Variants in SV2C observed in about 807,000 individuals in gnomAD.
SV2C encodes the protein solute carrier family 22 member B3.
Under a neutral mutation model 79.7 loss-of-function variants are expected in SV2C, and 49 were observed. That is an observed-to-expected ratio of 0.61 (90% CI 0.49 to 0.78). The LOEUF (loss-of-function observed/expected upper bound fraction) is 0.78, where lower values mean the gene tolerates loss of function less well. Ranked by LOEUF, SV2C falls within the 30% of genes least tolerant of loss-of-function variation. The probability of loss-of-function intolerance (pLI) is 0.00; values close to 1 mark genes in which losing one functional copy is unlikely to be tolerated. For missense variants in SV2C, 833 were observed against 912.9 expected (o/e 0.91, Z 1.13); for synonymous variants, 334 against 333.2 (o/e 1.00, Z -0.03).
At chr5:76,112,312 A>G (rs1441801472) in intron 1 of SV2C, among the ~76,000 whole-genome samples, 1 of 152,216 alleles carries the variant, frequency 6.6e-6, no homozygotes, top group Non-Finnish European at 1.5e-5. Flanking sequence ...TAGAGGTGAC[A>G]TTTGAAAGAA....
intron 12 of SV2C, among the ~76,000 whole-genome samples, chr5:76,309,488 C>T (rs897197441): frequency 1.3e-5 from 2 of 150,746 alleles, no homozygotes; most frequent in South Asian, 2.1e-4. Flanking sequence ...TAGTCCCAGC[C>T]ACTCGGGAGG....
At chr5:76,030,289 T>TTTA in the SV2C span, among the ~76,000 whole-genome samples, 18 of 117,910 alleles carry the variant, frequency 1.5e-4, no homozygotes, top group African/African-American at 5.4e-4. Context: ...TTTTTTTTTT[T>TTTA]TTTATTTATT....
At chr5:76,300,577 C>T (rs1747955057) in intron 10 of SV2C, 152 bp from the exon 11 acceptor site, 1 of 690,314 alleles carries the variant, frequency 1.4e-6, no homozygotes, top group Non-Finnish European at 2.4e-6. Flanking sequence ...TATGCTTTGG[C>T]CAGAAGACCC....
the SV2C span, among the ~76,000 whole-genome samples, chr5:75,899,486 G>C: frequency 3.9e-5 from 6 of 152,010 alleles, no homozygotes; most frequent in Admixed American, 3.3e-4. Context: ...TTACTTCCAA[G>C]TATGTGGTCA....
At position 76,333,206 on chromosome 5, in the gene SV2C, G is replaced by A. The variant is rs1031238022; in HGVS notation, c.*7659G>A. ...GACAAATTGGCCTAACTTCATCTCC[G>A]CTGCTATTGTTATATATTTGCTTTA... On this transcript the variant is annotated 3_prime_UTR_variant, in exon 13 of 13. Coordinates refer to ENST00000502798, the MANE Select transcript of SV2C (RefSeq NM_014979.4). 2 of 152,036 alleles carry A rather than the reference G, an allele frequency of 1.3e-5. No individual in the cohort carries two copies. The highest frequency in any genetic ancestry group is 1.9e-4 in the East Asian group (1 of 5,194). The allele number at this position is 152,036 out of a possible 1,614,324, so 9.4% of individuals were successfully genotyped here.
intron 4 of SV2C, among the ~76,000 whole-genome samples, chr5:76,236,564 A>C (rs372085363): frequency 8.2e-6 from 1 of 122,536 alleles, no homozygotes; most frequent in East Asian, 2.0e-4. Context: ...CCTGTATCAA[A>C]AAAATAAAAT....
chr5:76,211,000 T>TA lies in SV2C; in HGVS notation c.913+1115dup, dbSNP rs1290243365. The stretch of plus-strand genomic sequence containing the variant: ...CCTCTCCCCTCTGCCTCTCCTACCC[T>TA]AAGTAGAGGTGGGAGGATACACAGA... On this transcript the variant is annotated intron_variant, in intron 4 of 12. Coordinates refer to ENST00000502798, the MANE Select transcript of SV2C (RefSeq NM_014979.4). Among the ~76,000 whole-genome samples, 4 of 152,148 alleles carry TA rather than the reference T, an allele frequency of 2.6e-5. No individual in the cohort carries two copies. The East Asian group carries it at 7.7e-4, about 29-fold the overall frequency.
chr5:75,882,169 G>A, the SV2C span, among the ~76,000 whole-genome samples: 311 of 150,654 alleles, frequency 2.1e-3, 1 homozygote, highest in Middle Eastern at 3.4e-3. Context: ...TGGTGGATAA[G>A]CTTTTTGATG....
the SV2C span, among the ~76,000 whole-genome samples, chr5:75,875,532 A>G: frequency 6.6e-6 from 1 of 152,236 alleles, no homozygotes; most frequent in Non-Finnish European, 1.5e-5. Flanking sequence ...CAAATATTTC[A>G]TGACAAAGAT....
At chr5:75,899,311 T>C in the SV2C span, among the ~76,000 whole-genome samples, 2 of 152,256 alleles carry the variant, frequency 1.3e-5, no homozygotes, top group Non-Finnish European at 2.9e-5. Context: ...TATTTCTGCC[T>C]TCATTTCGTT....
At chr5:76,023,966 A>G in the SV2C span, among the ~76,000 whole-genome samples, 1 of 151,736 alleles carries the variant, frequency 6.6e-6, no homozygotes, top group Non-Finnish European at 1.5e-5. Flanking sequence ...TTGCAACAAT[A>G]AAAAATGTCT....
intron 1 of SV2C, among the ~76,000 whole-genome samples, chr5:76,090,119 T>A (rs1580257384): frequency 6.6e-6 from 1 of 152,232 alleles, no homozygotes; most frequent in Non-Finnish European, 1.5e-5. Flanking sequence ...GCTATGCAGT[T>A]ACAAAAGTCC....
At chr5:75,899,060 C>G in the SV2C span, among the ~76,000 whole-genome samples, 1 of 152,090 alleles carries the variant, frequency 6.6e-6, no homozygotes, top group African/African-American at 2.4e-5. Flanking sequence ...TTTTGTGTCT[C>G]TATTTCCTTC....
the SV2C span, among the ~76,000 whole-genome samples, chr5:75,878,768 G>T: frequency 6.6e-6 from 1 of 152,078 alleles, no homozygotes; most frequent in Non-Finnish European, 1.5e-5. Context: ...AGAGTGCTGA[G>T]TTCCGATCCT....
chr5:76,105,402 C>T (rs1234146446), intron 1 of SV2C, among the ~76,000 whole-genome samples: 1 of 152,144 alleles, frequency 6.6e-6, no homozygotes. Context: ...CTCTCACAGA[C>T]ACAAGCCCCA....
chr5:75,965,107 C>T, the SV2C span, among the ~76,000 whole-genome samples: 1 of 152,130 alleles, frequency 6.6e-6, no homozygotes, highest in Non-Finnish European at 1.5e-5. Flanking sequence ...CTTGCAGACA[C>T]TTTGACTTGC....
intron 12 of SV2C, among the ~76,000 whole-genome samples, chr5:76,324,715 G>A (rs1008210707): frequency 1.4e-4 from 21 of 152,086 alleles, no homozygotes; most frequent in Admixed American, 1.3e-3. Context: ...AGCTGAGCAT[G>A]GCAGTACACA....
At chr5:75,986,999 T>G in the SV2C span, among the ~76,000 whole-genome samples, 1 of 151,868 alleles carries the variant, frequency 6.6e-6, no homozygotes, top group East Asian at 1.9e-4. Flanking sequence ...CTTACTAAAT[T>G]TAGCATTTCT....
chr5:75,970,164 A>G, the SV2C span, among the ~76,000 whole-genome samples: 1 of 152,132 alleles, frequency 6.6e-6, no homozygotes, highest in Non-Finnish European at 1.5e-5. Flanking sequence ...TCTTGGACAC[A>G]TTCAAAGCAG....
Sources: allele counts gnomAD v4.1 joint callset (sites outside exome capture counted in the v4.1 genomes callset), GRCh38; gene constraint gnomAD v4.1.1; transcripts MANE v1.5; gene names NCBI Gene and HGNC (gene_info 2026-07-23, HGNC 2026-07-21).